MED23: variants seen among roughly 807,000 people sequenced by gnomAD.
The protein encoded by MED23 is mediator of RNA polymerase II transcription subunit 23.
In MED23, 105 loss-of-function variants were observed where a neutral mutation model predicts 163.9. The observed-to-expected ratio is 0.64, with a 90% CI of 0.55 to 0.75. The LOEUF (loss-of-function observed/expected upper bound fraction) is 0.75, where lower values mean the gene tolerates loss of function less well. Ranked by LOEUF, MED23 falls within the 30% of genes least tolerant of loss-of-function variation. The pLI, the probability that MED23 is intolerant of heterozygous loss-of-function variation, is 0.00. For missense variants in MED23, 1,054 were observed against 1,649.0 expected (o/e 0.64, Z 6.25); for synonymous variants, 561 against 565.6 (o/e 0.99, Z 0.12).
downstream of MED23, chr6:131,583,288 C>T: frequency 6.2e-7 from 1 of 1,609,924 alleles, no homozygotes; most frequent in Non-Finnish European, 8.5e-7. Flanking sequence ...AACAAGTTAA[C>T]AGATTATTAT....
intron 5 of MED23, 66 bp from the exon 6 acceptor site, chr6:131,622,045 A>C (rs1440802871): frequency 1.7e-6 from 2 of 1,189,652 alleles, no homozygotes; most frequent in Non-Finnish European, 2.5e-6. Context: ...AAAACGTCCG[A>C]AGGTTTCAGG....
intron 9 of MED23, among the ~76,000 whole-genome samples, chr6:131,617,086 TATTA>T (rs1187573834): frequency 2.7e-5 from 4 of 149,648 alleles, no homozygotes; most frequent in Non-Finnish European, 4.4e-5. Context: ...AATTTAAAAA[TATTA>T]ATTTATATTT....
intron 28 of MED23, among the ~76,000 whole-genome samples, chr6:131,588,538 T>C (rs890127168): frequency 6.6e-6 from 1 of 152,230 alleles, no homozygotes; most frequent in African/African-American, 2.4e-5. Flanking sequence ...TCTTTTACAG[T>C]TTCTCTGCAT....
chr6:131,607,336 G>C (rs1775928915), intron 12 of MED23, among the ~76,000 whole-genome samples: 1 of 151,940 alleles, frequency 6.6e-6, no homozygotes, highest in East Asian at 2.0e-4. Context: ...CCTAAGGTCA[G>C]GAGTTCAAGA....
At chr6:131,599,213 T>G (rs1305204764) in intron 18 of MED23, among the ~76,000 whole-genome samples, 4 of 152,220 alleles carry the variant, frequency 2.6e-5, no homozygotes, top group African/African-American at 4.8e-5. Context: ...ATCCCAGATT[T>G]ACTGAATCAG....
At chr6:131,609,985 G>T in intron 11 of MED23, 61 bp downstream of exon 11, 1 of 1,471,962 alleles carries the variant, frequency 6.8e-7, no homozygotes, top group Non-Finnish European at 9.5e-7. Flanking sequence ...AATGCCCACA[G>T]CAGTCTAAAA....
chr6:131,587,539 T>A lies in MED23; in HGVS notation c.*140A>T, dbSNP rs1774256884. ...TTATAAGGTGTCAACAGATTCATCA[T>A]TTGAATCAAAATAAAACAATCTGAA... On this transcript the variant is annotated 3_prime_UTR_variant, in exon 29 of 29. Transcript: ENST00000368068. The A allele has an allele frequency of 1.3e-6, 2 of 1,510,758 alleles. No individual in the cohort carries two copies. Among genetic ancestry groups the A allele is most frequent in the South Asian group, 2.6e-5 (2 of 77,904 alleles). The allele number at this position is 1,510,758 out of a possible 1,614,324, so 93.6% of individuals were successfully genotyped here.
intron 10 of MED23, among the ~76,000 whole-genome samples, chr6:131,615,037 T>C (rs191467647): frequency 4.8e-4 from 62 of 128,290 alleles, no homozygotes; most frequent in Admixed American, 3.2e-3. Context: ...ACAGGCTTCA[T>C]TGAGTGCCAG....
In MED23 at chr6:131,594,278, T is replaced by C. The variant is rs1315854706; in HGVS notation, c.3053A>G (p.Asp1018Gly). ...GAGTTTTCGTTTGAGAAATGCGCGG[T>C]CTCTCAGGTGCATTTCATAATAGTG... is the stretch of plus-strand genomic sequence containing the variant. ...TLHYYEMHLR[D>G]RAFLKRKLVH... The change falls in exon 23 of 29, where the codon GAC (aspartate) becomes GGC (glycine). Residue 1018 changes from aspartate (D) to glycine (G), a missense_variant. Asp to Gly is a moderately conservative substitution (Grantham distance 94). Around this residue, in one of 11 missense-constraint regions of MED23, gnomAD observed 362 missense variants for 471.6 expected, o/e 0.77. Coordinates refer to ENST00000368068, the MANE Select transcript of MED23 (RefSeq NM_004830.4). The C allele has an allele frequency of 6.2e-7, 1 of 1,614,008 alleles. No homozygotes were observed. Among genetic ancestry groups the C allele is most frequent in the African/African-American group, 1.3e-5 (1 of 74,910 alleles).
Position 131,592,369 on chromosome 6 carries a change from A to G in MED23, c.3471+19T>C. 6.2e-7 allele frequency: 1 copy of G among 1,609,196 alleles called. No individual in the cohort carries two copies. Among genetic ancestry groups the G allele is most frequent in the Non-Finnish European group, 8.5e-7 (1 of 1,175,588 alleles). On this transcript the variant is annotated intron_variant, in intron 25 of 28. Coordinates refer to ENST00000368068, the MANE Select transcript of MED23 (RefSeq NM_004830.4). Reference sequence around the variant, plus strand: ...GGCTGTATTTCATCACTAAGTACAAATCACAATTATTAACTCACTGGTAGG... The same window carrying G: ...GGCTGTATTTCATCACTAAGTACAAGTCACAATTATTAACTCACTGGTAGG...
intron 20 of MED23, 28 bp from the exon 21 acceptor site, chr6:131,596,716 GA>G: frequency 6.2e-7 from 1 of 1,608,060 alleles, no homozygotes; most frequent in Non-Finnish European, 8.5e-7. Context: ...AAAATTATAT[GA>G]AAATGTTCAA....
At chr6:131,587,922 C>A in intron 28 of MED23, 76 bp from the exon 29 acceptor site, 1 of 1,290,854 alleles carries the variant, frequency 7.7e-7, no homozygotes, top group Non-Finnish European at 1.1e-6. Flanking sequence ...AGGATTTACA[C>A]ATATCCGGAG....
intron 18 of MED23, 51 bp downstream of exon 18, chr6:131,599,987 T>G (rs1342470219): frequency 6.2e-7 from 1 of 1,603,190 alleles, no homozygotes; most frequent in Non-Finnish European, 8.5e-7. Context: ...CCATTGTGAA[T>G]GGGAAGAAGG....
At chr6:131,594,835 AAC>A (rs1357782776) in intron 22 of MED23, among the ~76,000 whole-genome samples, 18 of 72,280 alleles carry the variant, frequency 2.5e-4, no homozygotes, top group East Asian at 1.4e-3. Context: ...CAAACAAACA[AAC>A]AAAACCAGCC....
intron 20 of MED23, among the ~76,000 whole-genome samples, chr6:131,597,224 C>T (rs1350751730): frequency 6.6e-6 from 1 of 151,926 alleles, no homozygotes; most frequent in Non-Finnish European, 1.5e-5. Context: ...CACTTGTAAT[C>T]CCAGAACTTT....
upstream of MED23, chr6:131,628,308 G>A (rs996008973): frequency 5.6e-6 from 3 of 534,412 alleles, no homozygotes; most frequent in African/African-American, 1.9e-5. Flanking sequence ...AGAAGGTTCC[G>A]TCTGTGGAGA....
rs374476161 is a variant in MED23 at position 131,627,570 on chromosome 6, A to T, written c.71+71T>A. On this transcript the variant is annotated intron_variant, in intron 2 of 28. Transcript: ENST00000368068. ...GAATAGTGGATCTTATAACCTTCCAACACGAAACTAAGTAAAATCTGACAG... is the reference window on the plus strand; with the variant it reads ...GAATAGTGGATCTTATAACCTTCCATCACGAAACTAAGTAAAATCTGACAG... The T allele has an allele frequency of 2.0e-3, 3,140 of 1,596,844 alleles. 14 individuals are homozygous for T. The highest frequency in any genetic ancestry group is 0.014 in the Middle Eastern group (85 of 6,034).
At chr6:131,599,988 G>C in intron 18 of MED23, 50 bp downstream of exon 18, 2 of 1,602,934 alleles carry the variant, frequency 1.2e-6, no homozygotes, top group Non-Finnish European at 1.7e-6. Context: ...CATTGTGAAT[G>C]GGAAGAAGGA....
intron 25 of MED23, 199 bp from the exon 26 acceptor site, chr6:131,591,726 T>C (rs1774650340): frequency 3.2e-6 from 2 of 618,496 alleles, no homozygotes; most frequent in East Asian, 2.7e-5. Flanking sequence ...AGGGGCTCCA[T>C]ACATGTATCT....
Sources: allele counts gnomAD v4.1 joint callset (sites outside exome capture counted in the v4.1 genomes callset), GRCh38; gene constraint gnomAD v4.1.1; regional missense constraint gnomAD v4.1.1; transcripts MANE v1.5; gene names NCBI Gene and HGNC (gene_info 2026-07-23, HGNC 2026-07-21).